Variants in CTIF observed in about 807,000 individuals in gnomAD.
CTIF encodes CBP80/20-dependent translation initiation factor.
In CTIF, 21 loss-of-function variants were observed where a neutral mutation model predicts 66.0. The observed-to-expected ratio is 0.32, with a 90% CI of 0.23 to 0.46. CTIF has a LOEUF of 0.46. CTIF is among the 20% of genes least tolerant of loss of function. The pLI is 1.00. For missense variants in CTIF, 739 were observed against 812.7 expected (o/e 0.91, Z 1.10); for synonymous variants, 345 against 326.4 (o/e 1.06, Z -0.62).
chr18:48,675,707 C>G (rs11663682), intron 6 of CTIF, among the ~76,000 whole-genome samples: 8 of 152,110 alleles, frequency 5.3e-5, no homozygotes, highest in South Asian at 2.1e-4. Context: ...CCAGAGGGCC[C>G]GCCCCTCCCT....
intron 10 of CTIF, among the ~76,000 whole-genome samples, chr18:48,841,650 G>A (rs530627982): frequency 1.3e-5 from 2 of 151,138 alleles, no homozygotes; most frequent in Non-Finnish European, 1.5e-5. Context: ...GATTCAAGAC[G>A]CTGGCTCGGG....
rs574865532 is a variant in CTIF, at chr18:48,570,509, C to T, written c.-29+31197C>T. ...TGCCCTGGCGTGACGCACAGGCTAA[C>T]GGAGGAGACAGACATCCACGCACAC... On this transcript the variant is annotated intron_variant, in intron 1 of 11. Coordinates refer to ENST00000256413, the MANE Select transcript of CTIF (RefSeq NM_014772.3). 6.3e-4 allele frequency among the ~76,000 whole-genome samples: 96 copies of T among 152,166 alleles called. 3 individuals are homozygous for T. The South Asian group carries it at 0.019, about 30-fold the overall frequency.
At chr18:48,811,807 C>T (rs565550926) in intron 9 of CTIF, among the ~76,000 whole-genome samples, 25 of 152,302 alleles carry the variant, frequency 1.6e-4, no homozygotes, top group East Asian at 1.2e-3. Context: ...ATCCATTCAT[C>T]TGTGGGTGGA....
intron 6 of CTIF, among the ~76,000 whole-genome samples, chr18:48,690,934 A>G (rs990552998): frequency 6.6e-6 from 1 of 152,118 alleles, no homozygotes; most frequent in Non-Finnish European, 1.5e-5. Flanking sequence ...AGGGCTTCTG[A>G]GAGGGCAGCA....
rs1488763912 is a variant in CTIF at position 48,834,296 on chromosome 18, C to T, written c.1527+16920C>T. Among the ~76,000 whole-genome samples, 4 of 152,206 alleles carry T rather than the reference C, an allele frequency of 2.6e-5. 1 individual carries two copies. The highest frequency in any genetic ancestry group is 4.1e-4 in the South Asian group (2 of 4,830). On this transcript the variant is annotated intron_variant, in intron 10 of 11. Transcript: ENST00000256413. Reference sequence around the variant, plus strand: ...ATGACTGAGAGTGACTGTGTGCCAACGAAACCTTATTTATGGACACTGAGA... The same window carrying T: ...ATGACTGAGAGTGACTGTGTGCCAATGAAACCTTATTTATGGACACTGAGA...
intron 1 of CTIF, among the ~76,000 whole-genome samples, chr18:48,571,614 C>T (rs776974722): frequency 2.3e-4 from 35 of 152,180 alleles, no homozygotes; most frequent in Non-Finnish European, 3.4e-4. Flanking sequence ...TCAGTGTCTT[C>T]CATGCCAGCA....
intron 6 of CTIF, among the ~76,000 whole-genome samples, chr18:48,677,881 A>G (rs1256419238): frequency 1.3e-5 from 2 of 152,204 alleles, no homozygotes; most frequent in Admixed American, 6.5e-5. Context: ...AGAGGCTACC[A>G]TGACTTGAGT....
At chr18:48,746,603 G>A (rs2092598535) in intron 7 of CTIF, among the ~76,000 whole-genome samples, 1 of 151,900 alleles carries the variant, frequency 6.6e-6, no homozygotes, top group Non-Finnish European at 1.5e-5. Flanking sequence ...GTCACCAAAG[G>A]TTTCAGGTCA....
intron 10 of CTIF, among the ~76,000 whole-genome samples, chr18:48,831,601 C>T (rs942465389): frequency 1.3e-5 from 2 of 152,172 alleles, no homozygotes; most frequent in South Asian, 2.1e-4. Context: ...TTGAAGATGA[C>T]GGAAACCTTG....
intron 5 of CTIF, among the ~76,000 whole-genome samples, chr18:48,665,001 G>T (rs1388425513): frequency 6.8e-6 from 1 of 147,266 alleles, no homozygotes; most frequent in Non-Finnish European, 1.5e-5. Context: ...TGCAAGCTCC[G>T]CTTCCCGGGT....
intron 9 of CTIF, among the ~76,000 whole-genome samples, chr18:48,793,415 C>T (rs531491647): frequency 6.6e-6 from 1 of 152,286 alleles, no homozygotes; most frequent in Admixed American, 6.5e-5. Flanking sequence ...AGCTTTGCTC[C>T]CTGTGGCTTT....
At chr18:48,841,881 GC>G (rs1369232678) in intron 10 of CTIF, among the ~76,000 whole-genome samples, 2 of 152,110 alleles carry the variant, frequency 1.3e-5, no homozygotes, top group Non-Finnish European at 2.9e-5. Context: ...GAGCTCCAAC[GC>G]CCTTATCTCC....
chr18:48,797,492 AGG>A lies in CTIF; in HGVS notation c.1372-19726_1372-19725del, dbSNP rs1226021396. Among the ~76,000 whole-genome samples, 59 of 129,874 alleles carry A rather than the reference AGG, an allele frequency of 4.5e-4. 1 individual carries two copies. Among genetic ancestry groups the A allele is most frequent in the African/African-American group, 1.5e-3 (49 of 32,446 alleles). 85.2% of individuals were successfully genotyped at this position (129,874 alleles called of 152,430 possible). A position where few individuals can be genotyped will look rare whatever the true frequency, so the allele number is the denominator to read the frequency against. On this transcript the variant is annotated intron_variant, in intron 9 of 11. Transcript: ENST00000256413. Reference sequence around the variant, plus strand: ...AGCAAGACTCCATCCAAAAAAGAAAAGGGGTGGGGGGGCAAGTTTCTGAGTTC... The same window carrying A: ...AGCAAGACTCCATCCAAAAAAGAAAAGGTGGGGGGGCAAGTTTCTGAGTTC...
At chr18:48,691,512 C>G (rs568231286) in intron 6 of CTIF, among the ~76,000 whole-genome samples, 2 of 147,384 alleles carry the variant, frequency 1.4e-5, no homozygotes, top group African/African-American at 5.1e-5. Flanking sequence ...TTCGAGGCCT[C>G]CCAATGCTCA....
At chr18:48,852,342 TC>T (rs2069224475) in intron 10 of CTIF, among the ~76,000 whole-genome samples, 1 of 148,824 alleles carries the variant, frequency 6.7e-6, no homozygotes, top group African/African-American at 2.5e-5. Context: ...GGCCCACCTT[TC>T]CCTCCGATCC....
chr18:48,799,997 T>C (rs1286636695), intron 9 of CTIF, among the ~76,000 whole-genome samples: 23 of 152,182 alleles, frequency 1.5e-4, no homozygotes, highest in Non-Finnish European at 2.9e-5. Context: ...AGGGCCTACT[T>C]AGAGAAGGCA....
Position 48,706,279 on chromosome 18 carries a change from T to C in CTIF, c.508-5340T>C, listed in dbSNP as rs186884740. Among the ~76,000 whole-genome samples the C allele has an allele frequency of 4.6e-5, 7 of 152,300 alleles. No homozygotes were observed. The East Asian group carries it at 9.6e-4, about 21-fold the overall frequency. On this transcript the variant is annotated intron_variant, in intron 6 of 11. Coordinates refer to ENST00000256413, the MANE Select transcript of CTIF (RefSeq NM_014772.3). ...AGCATATTGCCTTTCTATTTCAGTA[T>C]TGTATCCACAGTGCCTGAAACAACA...
intron 1 of CTIF, among the ~76,000 whole-genome samples, chr18:48,586,994 C>G (rs1466109451): frequency 6.6e-6 from 1 of 152,122 alleles, no homozygotes; most frequent in Non-Finnish European, 1.5e-5. Context: ...AGCCAGGCTC[C>G]CCTGTTCAGA....
intron 10 of CTIF, among the ~76,000 whole-genome samples, chr18:48,829,059 C>T (rs769892139): frequency 2.6e-5 from 4 of 152,232 alleles, no homozygotes; most frequent in Non-Finnish European, 5.9e-5. Context: ...GGACCGGCAG[C>T]TGCTGAAGGC....
Sources: allele counts gnomAD v4.1 joint callset (sites outside exome capture counted in the v4.1 genomes callset), GRCh38; gene constraint gnomAD v4.1.1; transcripts MANE v1.5; gene names NCBI Gene and HGNC (gene_info 2026-07-23, HGNC 2026-07-21).